The following UGT1A6 variants were observed in gnomAD, a reference collection of about 807,000 sequenced individuals.
UGT1A6 encodes UDP-glucuronosyltransferase 1A6.
In UGT1A6, 32 loss-of-function variants were observed where a neutral mutation model predicts 44.4. That is an observed-to-expected ratio of 0.72 (90% CI 0.54 to 0.97). The LOEUF is 0.97. Ranked by LOEUF, UGT1A6 falls within the 50% of genes least tolerant of loss-of-function variation. UGT1A6 has a pLI of 0.00. For missense variants in UGT1A6, 685 were observed against 661.9 expected (o/e 1.03, Z -0.38); for synonymous variants, 238 against 248.5 (o/e 0.96, Z 0.40).
At chr2:233,723,516 CTTTT>C (rs1162916866) in intron 1 of UGT1A6, among the ~76,000 whole-genome samples, 1 of 85,406 alleles carries the variant, frequency 1.2e-5, no homozygotes, top group African/African-American at 4.9e-5. Flanking sequence ...GGTCAACAAT[CTTTT>C]TTTTTTTTTT....
chr2:233,768,219 G>T lies in UGT1A6; in HGVS notation c.1082-1G>T. 1 of 1,614,092 alleles carries T rather than the reference G, an allele frequency of 6.2e-7. No individual in the cohort carries two copies. The highest frequency in any genetic ancestry group is 8.5e-7 in the Non-Finnish European group (1 of 1,180,022). On this transcript the variant is annotated splice_acceptor_variant, in intron 3 of 4. Transcript: ENST00000305139. LOFTEE classifies it high-confidence loss of function. Reference sequence around the variant, plus strand: ...GACATCCTCCCTATTTTGCATCTCAGGTCACCCGATGACCCGTGCCTTTAT... The same window carrying T: ...GACATCCTCCCTATTTTGCATCTCATGTCACCCGATGACCCGTGCCTTTAT...
rs34150486 is a variant in UGT1A6, at chr2:233,743,623, G to A, written c.862-23411G>A. 20 of 1,367,332 alleles carry A rather than the reference G, an allele frequency of 1.5e-5. No homozygotes were observed. In the South Asian group the frequency reaches 1.8e-4, roughly 12 times the overall value. 84.7% of individuals were successfully genotyped at this position (1,367,332 alleles called of 1,614,324 possible). A position where few individuals can be genotyped will look rare whatever the true frequency, so the allele number is the denominator to read the frequency against. ...GGCCGCCGAAGAACTCCCTGAAGAC[G>A]TCGGCTGGGTCGCGGAAGCTGAAGA... On this transcript the variant is annotated intron_variant, in intron 1 of 4. Transcript: ENST00000305139.
chr2:233,747,881 T>C, intron 1 of UGT1A6: 1 of 1,613,550 alleles, frequency 6.2e-7, no homozygotes, highest in Non-Finnish European at 8.5e-7. Context: ...TGTCCTACCT[T>C]TGCCATGCTC....
In UGT1A6 at chr2:233,772,840, C is replaced by G. The variant is rs1271510565; in HGVS notation, c.*281C>G. 15 of 833,784 alleles carry G rather than the reference C, an allele frequency of 1.8e-5. No homozygotes were observed. The highest frequency in any genetic ancestry group is 3.3e-5 in the Admixed American group (1 of 29,978). The allele number at this position is 833,784 out of a possible 1,614,324, so 51.6% of individuals were successfully genotyped here. A position where few individuals can be genotyped will look rare whatever the true frequency, so the allele number is the denominator to read the frequency against. On this transcript the variant is annotated 3_prime_UTR_variant, in exon 5 of 5. Transcript: ENST00000305139. ...GCAGACAGGCTGGCATTCTAGATTACTTTTCTTACTCTGAAACATGGCCTG... is the reference window on the plus strand; with the variant it reads ...GCAGACAGGCTGGCATTCTAGATTAGTTTTCTTACTCTGAAACATGGCCTG...
At chr2:233,729,358 A>G in intron 1 of UGT1A6, 1 of 1,614,176 alleles carries the variant, frequency 6.2e-7, no homozygotes, top group Admixed American at 1.7e-5. Flanking sequence ...TTTCACCCTG[A>G]CAACCTATGC....
At chr2:233,757,826 ATGG>A (rs1696730771) in intron 1 of UGT1A6, among the ~76,000 whole-genome samples, 1 of 151,882 alleles carries the variant, frequency 6.6e-6, no homozygotes, top group Non-Finnish European at 1.5e-5. Flanking sequence ...AGTGTGTCTG[ATGG>A]TGGCCTACTA....
chr2:233,768,331 A>G lies in UGT1A6; in HGVS notation c.1193A>G (p.Asp398Gly), dbSNP rs779591634. The change falls in exon 4 of 5, where the codon GAC (aspartate) becomes GGC (glycine). Residue 398 changes from aspartate (D) to glycine (G), a missense_variant. Transcript: ENST00000305139. ...ATGCCCTTGTTTGGTGATCAGATGG[A>G]CAATGCAAAGCGCATGGAGACTAAG... ...VMMPLFGDQM[D>G]NAKRMETKGA... 1 of 1,614,198 alleles carries G rather than the reference A, an allele frequency of 6.2e-7. No homozygotes were observed. Among genetic ancestry groups the G allele is most frequent in the Admixed American group, 1.7e-5 (1 of 60,024 alleles).
In UGT1A6 at chr2:233,693,021, G is replaced by A. The variant is rs115279280; in HGVS notation, c.17G>A (p.Arg6His). The A allele has an allele frequency of 4.8e-5, 78 of 1,614,090 alleles. No individual in the cohort carries two copies. The highest frequency in any genetic ancestry group is 1.7e-4 in the Middle Eastern group (1 of 6,060). Residue 6 changes from arginine (R) to histidine (H), a missense_variant, in exon 1 of 5, where the codon CGC becomes CAC. Arg to His is a conservative substitution (Grantham distance 29). Transcript: ENST00000305139. ...CTTTCCAGGATGGCCTGCCTCCTTC[G>A]CTCATTTCAGAGAATTTCTGCAGGG... Reference protein sequence around the residue: MACLLRSFQRISAGVF... With the variant: MACLLHSFQRISAGVF...
In UGT1A6 at chr2:233,693,658, G is replaced by T; in HGVS notation, c.654G>T (p.Glu218Asp). ...CCAACTTCCTTGTTAATTTGTTGGA[G>T]CCCTATCTATTTTATTGTCTGTTTT... is the stretch of plus-strand genomic sequence containing the variant. ...RVANFLVNLLEPYLFYCLFSK... is the reference protein window; with the variant it reads ...RVANFLVNLLDPYLFYCLFSK... The change falls in exon 1 of 5, where the codon GAG becomes GAT. Residue 218 changes from glutamate to aspartate, a missense_variant. Transcript: ENST00000305139. The T allele has an allele frequency of 6.2e-7, 1 of 1,614,212 alleles. No homozygotes were observed. Among genetic ancestry groups the T allele is most frequent in the South Asian group, 1.1e-5 (1 of 91,080 alleles).
intron 1 of UGT1A6, among the ~76,000 whole-genome samples, chr2:233,715,186 A>G (rs959618310): frequency 6.6e-6 from 1 of 152,160 alleles, no homozygotes; most frequent in Non-Finnish European, 1.5e-5. Context: ...ACACCTAGGC[A>G]ATTTTTCTAT....
chr2:233,761,274 T>A, intron 1 of UGT1A6: 3 of 1,580,366 alleles, frequency 1.9e-6, no homozygotes, highest in Non-Finnish European at 2.6e-6. Flanking sequence ...TGCCCTCTTT[T>A]GTTAATTTTT....
At position 233,767,071 on chromosome 2, in the gene UGT1A6, G is replaced by A. The variant is rs1451220464; in HGVS notation, c.899G>A (p.Gly300Glu). The A allele has an allele frequency of 2.3e-5, 37 of 1,614,098 alleles. No individual in the cohort carries two copies. The highest frequency in any genetic ancestry group is 3.1e-5 in the Non-Finnish European group (37 of 1,180,012). ...EAYINASGEHGIVVFSLGSMV... is the reference protein window; with the variant it reads ...EAYINASGEHEIVVFSLGSMV... Reference sequence around the variant, plus strand: ...TACATTAATGCTTCTGGAGAACATGGAATTGTGGTTTTCTCTTTGGGATCA... The same window carrying A: ...TACATTAATGCTTCTGGAGAACATGAAATTGTGGTTTTCTCTTTGGGATCA... The change falls in exon 2 of 5, where the codon GGA becomes GAA. Residue 300 changes from glycine to glutamate, a missense_variant. Transcript: ENST00000305139.
intron 2 of UGT1A6, 76 bp from the exon 3 acceptor site, chr2:233,767,773 C>G: frequency 6.2e-7 from 1 of 1,611,908 alleles, no homozygotes; most frequent in Admixed American, 1.7e-5. Flanking sequence ...CCCCTGTTTT[C>G]TAGTTAGTAT....
At position 233,699,574 on chromosome 2, in the gene UGT1A6, T is replaced by C. The variant is rs28898582; in HGVS notation, c.861+5709T>C. On this transcript the variant is annotated intron_variant, in intron 1 of 4. Transcript: ENST00000305139. ...CAGGTCATGGCCAGAGCTCTGGCTC[T>C]AGGACATCCTTTCTTCCCAGCCTGG... Among the ~76,000 whole-genome samples, 1,358 of 152,332 alleles carry C rather than the reference T, an allele frequency of 8.9e-3. 31 individuals carry two copies. Among genetic ancestry groups the C allele is most frequent in the African/African-American group, 0.03 (1,267 of 41,582 alleles).
chr2:233,732,017 G>A (rs1379016556), intron 1 of UGT1A6, among the ~76,000 whole-genome samples: 2 of 152,178 alleles, frequency 1.3e-5, no homozygotes. Flanking sequence ...GTTTTGATTT[G>A]CATTTCTCTG....
chr2:233,772,135 A>C (rs1281309979), intron 4 of UGT1A6, 127 bp from the exon 5 acceptor site: 4 of 1,546,748 alleles, frequency 2.6e-6, no homozygotes, highest in Non-Finnish European at 3.5e-6. Context: ...CAACAACAAT[A>C]ATAGAAACAG....
chr2:233,718,643 C>T, intron 1 of UGT1A6: 1 of 1,485,946 alleles, frequency 6.7e-7, no homozygotes, highest in South Asian at 1.3e-5. Context: ...AGGGTTGGGC[C>T]CATAACGAAA....
chr2:233,698,637 A>G (rs539237252), intron 1 of UGT1A6, among the ~76,000 whole-genome samples: 1 of 152,378 alleles, frequency 6.6e-6, no homozygotes, highest in Admixed American at 6.5e-5. Flanking sequence ...CTAACAGGTT[A>G]GTAAGCATGC....
chr2:233,710,224 C>G (rs2076120993), intron 1 of UGT1A6, among the ~76,000 whole-genome samples: 1 of 152,156 alleles, frequency 6.6e-6, no homozygotes, highest in African/African-American at 2.4e-5. Flanking sequence ...AATAAAGCTG[C>G]TATGACTATT....
Sources: gnomAD v4.1 joint callset for allele counts (sites outside exome capture counted in the v4.1 genomes callset) on GRCh38, gnomAD v4.1.1 for gene constraint, MANE v1.5 for transcripts, NCBI Gene and HGNC (gene_info 2026-07-23, HGNC 2026-07-21) for gene names.